The following TMEM127 variants were observed in gnomAD, a reference collection of about 807,000 sequenced individuals.
The protein encoded by TMEM127 is transmembrane protein 127.
Under a neutral mutation model 20.1 loss-of-function variants are expected in TMEM127, and 21 were observed. That is an observed-to-expected ratio of 1.04 (90% CI 0.74 to 1.50). The LOEUF (loss-of-function observed/expected upper bound fraction) is 1.50, where lower values mean the gene tolerates loss of function less well. Ranked by LOEUF, TMEM127 falls within the 40% of genes most tolerant of loss-of-function variation. The pLI is 0.00. For synonymous variants in TMEM127, 150 were observed against 144.7 expected, an observed-to-expected ratio of 1.04 and a Z score of -0.26; for missense variants, 303 against 317.4, an observed-to-expected ratio of 0.95 and a Z score of 0.34.
chr2:96,254,156 C>A, intron 3 of TMEM127, 41 bp from the exon 4 acceptor site: 2 of 1,608,066 alleles, frequency 1.2e-6, no homozygotes, highest in Non-Finnish European at 1.7e-6. Flanking sequence ...AATTAGTGAG[C>A]ACTCCACAGC....
At chr2:96,261,403 C>T (rs1048223530) in intron 2 of TMEM127, among the ~76,000 whole-genome samples, 7 of 152,092 alleles carry the variant, frequency 4.6e-5, no homozygotes, top group African/African-American at 1.7e-4. Context: ...CCTGCTTCAG[C>T]CTCCCAAAGT....
intron 2 of TMEM127, among the ~76,000 whole-genome samples, chr2:96,263,120 T>C (rs1684344875): frequency 6.6e-6 from 1 of 151,244 alleles, no homozygotes; most frequent in African/African-American, 2.4e-5. Context: ...GGTGTGATCT[T>C]GGGCTCACTG....
chr2:96,252,349 T>G lies in TMEM127; in HGVS notation c.*1459A>C, dbSNP rs1684111089. On this transcript the variant is annotated 3_prime_UTR_variant, in exon 4 of 4. Transcript: ENST00000258439. This position sits in a 1 kb window ranked among gnomAD's most constrained non-coding sequence, Gnocchi z 4.2. ...TCCTTTTCAGCTCAGCAGGGGACAC[T>G]GATTCCCAAGAAGCAAGTAACTTAA... 1 of 233,080 alleles carries G rather than the reference T, an allele frequency of 4.3e-6. No individual in the cohort carries two copies. Among genetic ancestry groups the G allele is most frequent in the East Asian group, 6.0e-5 (1 of 16,580 alleles). The allele number at this position is 233,080 out of a possible 1,614,324, so 14.4% of individuals were successfully genotyped here.
At chr2:96,256,449 T>C (rs1209081063) in intron 2 of TMEM127, among the ~76,000 whole-genome samples, 2 of 151,060 alleles carry the variant, frequency 1.3e-5, no homozygotes, top group Non-Finnish European at 1.5e-5. Flanking sequence ...TGCATGCCTG[T>C]GATCCCAGCT....
rs1015330236 is a variant in TMEM127, at chr2:96,250,874, G to A, written c.*2934C>T. On this transcript the variant is annotated 3_prime_UTR_variant, in exon 4 of 4. Coordinates refer to ENST00000258439, the MANE Select transcript of TMEM127 (RefSeq NM_017849.4). The stretch of plus-strand genomic sequence containing the variant: ...CAGTTTCTAGGGAGTGAAGGAACAC[G>A]TGAAATACAGAAAATAAAGACAGAA... 22 of 230,368 alleles carry A rather than the reference G, an allele frequency of 9.5e-5. No individual in the cohort carries two copies. Among genetic ancestry groups the A allele is most frequent in the African/African-American group, 4.9e-4 (22 of 45,092 alleles). 14.3% of individuals were successfully genotyped at this position (230,368 alleles called of 1,614,324 possible). A position where few individuals can be genotyped will look rare whatever the true frequency, so the allele number is the denominator to read the frequency against.
intron 2 of TMEM127, 54 bp from the exon 3 acceptor site, chr2:96,255,051 G>A (rs1684177280): frequency 1.2e-6 from 2 of 1,609,016 alleles, no homozygotes; most frequent in Admixed American, 1.7e-5. Flanking sequence ...GGTGCAGGAA[G>A]TCCCCACCTA....
chr2:96,265,169 C>CA lies in TMEM127; in HGVS notation c.212dup (p.Leu72ValfsTer36). ...GCAGGTCCGGGTGCACATAGCCCAACACGTCGGAGACCCCCAGCTCCTGGC... is the reference window on the plus strand; with the variant it reads ...GCAGGTCCGGGTGCACATAGCCCAACAACGTCGGAGACCCCCAGCTCCTGGC... On this transcript the variant is annotated frameshift_variant, in exon 2 of 4. Coordinates refer to ENST00000258439, the MANE Select transcript of TMEM127 (RefSeq NM_017849.4). LOFTEE classifies it high-confidence loss of function. 6.2e-7 allele frequency: 1 copy of CA among 1,611,414 alleles called. No homozygotes were observed. Among genetic ancestry groups the CA allele is most frequent in the South Asian group, 1.1e-5 (1 of 90,690 alleles).
intron 2 of TMEM127, among the ~76,000 whole-genome samples, chr2:96,262,817 T>A (rs1394301975): frequency 6.6e-6 from 1 of 151,440 alleles, no homozygotes; most frequent in Non-Finnish European, 1.5e-5. Context: ...TCCTGGGTAG[T>A]TGAGGCACCA....
rs994008234 is a variant in TMEM127 at position 96,248,726 on chromosome 2, CAGA to C, written c.*5079_*5081del. 1.5e-4 allele frequency: 35 copies of C among 229,782 alleles called. No homozygotes were observed. Among genetic ancestry groups the C allele is most frequent in the Middle Eastern group, 1.3e-3 (1 of 768 alleles). The allele number at this position is 229,782 out of a possible 1,614,324, so 14.2% of individuals were successfully genotyped here. A position where few individuals can be genotyped will look rare whatever the true frequency, so the allele number is the denominator to read the frequency against. Reference sequence around the variant, plus strand: ...GGCTAGCTGCCATTTTCTACCAAGACAGAAGGACAGGAACCTTCCAAACAGGGC... The same window carrying C: ...GGCTAGCTGCCATTTTCTACCAAGACAGGACAGGAACCTTCCAAACAGGGC... On this transcript the variant is annotated 3_prime_UTR_variant, in exon 4 of 4. Transcript: ENST00000258439.
At chr2:96,256,477 A>G (rs574689159) in intron 2 of TMEM127, among the ~76,000 whole-genome samples, 26 of 151,372 alleles carry the variant, frequency 1.7e-4, no homozygotes, top group Non-Finnish European at 1.8e-4. Context: ...AGGCTGAGGC[A>G]GGAGAATTGC....
intron 2 of TMEM127, among the ~76,000 whole-genome samples, chr2:96,264,520 C>T (rs1684373234): frequency 6.6e-6 from 1 of 152,140 alleles, no homozygotes; most frequent in African/African-American, 2.4e-5. Flanking sequence ...AACTATGGGG[C>T]CCATAGGACC....
Position 96,249,998 on chromosome 2 carries a change from A to G in TMEM127, c.*3810T>C, listed in dbSNP as rs1684054184. 4.3e-6 allele frequency: 1 copy of G among 233,244 alleles called. No individual in the cohort carries two copies. Among genetic ancestry groups the G allele is most frequent in the Non-Finnish European group, 8.5e-6 (1 of 118,072 alleles). The allele number at this position is 233,244 out of a possible 1,614,324, so 14.4% of individuals were successfully genotyped here. On this transcript the variant is annotated 3_prime_UTR_variant, in exon 4 of 4. Coordinates refer to ENST00000258439, the MANE Select transcript of TMEM127 (RefSeq NM_017849.4). ...GGTGGGCAGAGACTGGGGCTCCCGC[A>G]TTCCCAACTCCAGCACCTGGCTGAG...
chr2:96,258,531 C>T (rs1179099280), intron 2 of TMEM127, among the ~76,000 whole-genome samples: 2 of 152,198 alleles, frequency 1.3e-5, no homozygotes, highest in East Asian at 1.9e-4. Flanking sequence ...AAGCAGCCCT[C>T]AGAACTATCT....
At chr2:96,258,772 A>G (rs1684258788) in intron 2 of TMEM127, among the ~76,000 whole-genome samples, 1 of 152,152 alleles carries the variant, frequency 6.6e-6, no homozygotes, top group African/African-American at 2.4e-5. Flanking sequence ...AAGCTAAGAG[A>G]GTTCTTCTTG....
At chr2:96,257,381 G>C (rs755018873) in intron 2 of TMEM127, among the ~76,000 whole-genome samples, 4 of 152,120 alleles carry the variant, frequency 2.6e-5, no homozygotes, top group African/African-American at 4.8e-5. Flanking sequence ...AGAATCGCTT[G>C]AACCCTGGAG....
rs1684044178 is a variant in TMEM127, at chr2:96,249,497, G to C, written c.*4311C>G. On this transcript the variant is annotated 3_prime_UTR_variant, in exon 4 of 4. Coordinates refer to ENST00000258439, the MANE Select transcript of TMEM127 (RefSeq NM_017849.4). Reference sequence around the variant, plus strand: ...TTTCAGGCTTGGTGCAGTGGCTCAAGCCTGTAATCCCAACCCTTTGGGAAG... The same window carrying C: ...TTTCAGGCTTGGTGCAGTGGCTCAACCCTGTAATCCCAACCCTTTGGGAAG... 1 of 226,876 alleles carries C rather than the reference G, an allele frequency of 4.4e-6. No homozygotes were observed. Among genetic ancestry groups the C allele is most frequent in the African/African-American group, 2.2e-5 (1 of 44,978 alleles). The allele number at this position is 226,876 out of a possible 1,614,324, so 14.1% of individuals were successfully genotyped here. A position where few individuals can be genotyped will look rare whatever the true frequency, so the allele number is the denominator to read the frequency against.
chr2:96,249,136 C>G lies in TMEM127; in HGVS notation c.*4672G>C, dbSNP rs1684036316. ...TGTGTGTTTGAGATGGAGTCTCACT[C>G]TGTCAGGCTGGAGTCCAGTGGCATG... On this transcript the variant is annotated 3_prime_UTR_variant, in exon 4 of 4. Coordinates refer to ENST00000258439, the MANE Select transcript of TMEM127 (RefSeq NM_017849.4). 1 of 229,388 alleles carries G rather than the reference C, an allele frequency of 4.4e-6. No homozygotes were observed. The highest frequency in any genetic ancestry group is 5.7e-5 in the Admixed American group (1 of 17,592). The allele number at this position is 229,388 out of a possible 1,614,324, so 14.2% of individuals were successfully genotyped here. A position where few individuals can be genotyped will look rare whatever the true frequency, so the allele number is the denominator to read the frequency against.
At chr2:96,258,806 G>C (rs887339492) in intron 2 of TMEM127, among the ~76,000 whole-genome samples, 1 of 152,204 alleles carries the variant, frequency 6.6e-6, no homozygotes, top group African/African-American at 2.4e-5. Flanking sequence ...ATGTGGCAGG[G>C]ATGGGGCAGT....
At position 96,265,433 on chromosome 2, in the gene TMEM127, T is replaced by G; in HGVS notation, c.-52A>C. 1 of 1,311,374 alleles carries G rather than the reference T, an allele frequency of 7.6e-7. No individual in the cohort carries two copies. The highest frequency in any genetic ancestry group is 9.6e-7 in the Non-Finnish European group (1 of 1,037,108). The allele number at this position is 1,311,374 out of a possible 1,614,324, so 81.2% of individuals were successfully genotyped here. ...CAGTCGCTGCTGGTCGCCGCCGACC[T>G]CCGCGGGGCGCGCAGAGCCTGACAG... On this transcript the variant is annotated 5_prime_UTR_variant, in exon 2 of 4. Coordinates refer to ENST00000258439, the MANE Select transcript of TMEM127 (RefSeq NM_017849.4).
Sources: allele counts gnomAD v4.1 joint callset (sites outside exome capture counted in the v4.1 genomes callset), GRCh38; gene constraint gnomAD v4.1.1; non-coding constraint Gnocchi (gnomAD v3.1); transcripts MANE v1.5; gene names NCBI Gene and HGNC (gene_info 2026-07-23, HGNC 2026-07-21).